The following TRIO variants were observed in gnomAD, a reference collection of about 807,000 sequenced individuals.
TRIO encodes triple functional domain protein.
TRIO carries 58 observed loss-of-function variants against 351.9 expected under a neutral mutation model. The ratio of observed to expected loss-of-function variants is 0.16; its 90% confidence interval spans 0.13 to 0.21. The LOEUF (loss-of-function observed/expected upper bound fraction) is 0.21, where lower values mean the gene tolerates loss of function less well. Among genes scored for constraint, TRIO ranks in the 10% least tolerant of loss-of-function variants. The probability of loss-of-function intolerance (pLI) is 1.00; values close to 1 mark genes in which losing one functional copy is unlikely to be tolerated. For missense variants in TRIO, 3,201 were observed against 4,027.8 expected, an observed-to-expected ratio of 0.79 and a Z score of 5.56; for synonymous variants, 1,758 against 1,595.7, an observed-to-expected ratio of 1.10 and a Z score of -2.42.
chr5:14,393,257 AG>A (rs1444994867), intron 27 of TRIO, among the ~76,000 whole-genome samples: 7 of 152,192 alleles, frequency 4.6e-5, no homozygotes. Flanking sequence ...GTGGGGGTCT[AG>A]GAGAGGGATA....
intron 1 of TRIO, among the ~76,000 whole-genome samples, chr5:14,201,185 G>A (rs964249472): frequency 6.6e-6 from 1 of 151,924 alleles, no homozygotes; most frequent in African/African-American, 2.4e-5. Flanking sequence ...GCTTGAACCC[G>A]GGAGGCAGAG....
intron 21 of TRIO, among the ~76,000 whole-genome samples, chr5:14,382,443 T>G (rs1463477013): frequency 6.6e-6 from 1 of 152,158 alleles, no homozygotes; most frequent in Non-Finnish European, 1.5e-5. Context: ...GCTCCTATCC[T>G]GGAGGCTCAC....
intron 42 of TRIO, 141 bp from the exon 43 acceptor site, chr5:14,479,778 G>A: frequency 1.6e-6 from 1 of 638,474 alleles, no homozygotes; most frequent in Non-Finnish European, 2.5e-6. Flanking sequence ...CTGTGAACTA[G>A]CAAAGCTCTA....
intron 9 of TRIO, 25 bp downstream of exon 9, chr5:14,316,768 G>A: frequency 6.3e-7 from 1 of 1,598,792 alleles, no homozygotes; most frequent in South Asian, 1.1e-5. Flanking sequence ...ATGCCCTTCT[G>A]CATGGGAAAT....
intron 2 of TRIO, among the ~76,000 whole-genome samples, chr5:14,274,618 G>C (rs1324869400): frequency 6.6e-6 from 1 of 152,090 alleles, no homozygotes; most frequent in Non-Finnish European, 1.5e-5. Context: ...TTACTTGATT[G>C]TCCTGAGAAA....
intron 3 of TRIO, among the ~76,000 whole-genome samples, chr5:14,283,763 TAAA>T (rs1736207977): frequency 6.6e-6 from 1 of 151,494 alleles, no homozygotes; most frequent in African/African-American, 2.4e-5. Flanking sequence ...CTTTTTTTTT[TAAA>T]CAAACAAACA....
intron 1 of TRIO, among the ~76,000 whole-genome samples, chr5:14,204,908 C>T (rs1366321169): frequency 6.6e-6 from 1 of 152,166 alleles, no homozygotes; most frequent in Non-Finnish European, 1.5e-5. Flanking sequence ...CAGGGCCTGC[C>T]ACCATGTATA....
At chr5:14,385,294 A>G (rs1189663517) in intron 21 of TRIO, among the ~76,000 whole-genome samples, 1 of 152,206 alleles carries the variant, frequency 6.6e-6, no homozygotes, top group Non-Finnish European at 1.5e-5. Flanking sequence ...CATGCAACTG[A>G]TGGATTTCTT....
intron 1 of TRIO, among the ~76,000 whole-genome samples, chr5:14,151,386 TTG>T (rs34382232): frequency 0.68 from 100,488 of 148,586 alleles, 34,251 homozygotes; most frequent in African/African-American, 0.82. Flanking sequence ...GTGTGTGTGT[TTG>T]TGTGTGTGTG....
intron 34 of TRIO, among the ~76,000 whole-genome samples, chr5:14,453,204 G>C (rs752086651): frequency 1.3e-5 from 2 of 152,000 alleles, no homozygotes; most frequent in Non-Finnish European, 2.9e-5. Context: ...ACTTTCTCTT[G>C]GTGCTTCAAG....
intron 1 of TRIO, among the ~76,000 whole-genome samples, chr5:14,212,597 G>A (rs951554765): frequency 6.6e-6 from 1 of 152,200 alleles, no homozygotes; most frequent in African/African-American, 2.4e-5. Flanking sequence ...AGAAGTGCCT[G>A]AGGAAGGCCT....
intron 34 of TRIO, among the ~76,000 whole-genome samples, chr5:14,431,349 G>A (rs1216028706): frequency 1.1e-4 from 16 of 152,188 alleles, no homozygotes; most frequent in Admixed American, 1.0e-3. Context: ...TCATCTTCCC[G>A]AAACCTTTCT....
intron 1 of TRIO, among the ~76,000 whole-genome samples, chr5:14,198,962 G>T (rs956561898): frequency 1.3e-5 from 2 of 152,036 alleles, no homozygotes; most frequent in South Asian, 2.1e-4. Context: ...CTTGGGCCGG[G>T]TGCGGTGGCT....
chr5:14,419,913 C>G lies in TRIO; in HGVS notation c.5095C>G (p.Arg1699Gly). 1 of 1,614,162 alleles carries G rather than the reference C, an allele frequency of 6.2e-7. No homozygotes were observed. Among genetic ancestry groups the G allele is most frequent in the Non-Finnish European group, 8.5e-7 (1 of 1,180,012 alleles). ...TGACAAGCCTGACTGGTGTCTGGTGCGGACAACTGACCGCTCCCCAGCGGC... is the reference window on the plus strand; with the variant it reads ...TGACAAGCCTGACTGGTGTCTGGTGGGGACAACTGACCGCTCCCCAGCGGC... ...PHDKPDWCLV[R>G]TTDRSPAAEG... The change falls in exon 34 of 57, where the codon CGG becomes GGG. Residue 1699 changes from arginine to glycine, a missense_variant. By Grantham distance (125) the Arg-to-Gly change is moderately radical (BLOSUM62 -2). This residue lies in a region of TRIO where 193 missense variants were observed against 218.8 expected (regional missense o/e 0.88). Coordinates refer to ENST00000344204, the MANE Select transcript of TRIO (RefSeq NM_007118.4).
At chr5:14,499,924 G>A (rs1373853428) in intron 53 of TRIO, among the ~76,000 whole-genome samples, 4 of 151,738 alleles carry the variant, frequency 2.6e-5, no homozygotes, top group African/African-American at 9.7e-5. Flanking sequence ...GGTGGCAAGC[G>A]CCTGTAGTCC....
chr5:14,487,987 C>T lies in TRIO; in HGVS notation c.7359C>T (p.Ala2453=), dbSNP rs757974596. The T allele has an allele frequency of 9.0e-6, 14 of 1,558,854 alleles. No individual in the cohort carries two copies. Among genetic ancestry groups the T allele is most frequent in the East Asian group, 4.8e-5 (2 of 41,358 alleles). ...TLPLGKPRAG[A]ASPLNSPLSS... is the part of the protein sequence containing the mutation. ...CGCTTGGGAAGCCCCGGGCCGGGGC[C>T]GCTTCGCCGCTGAACTCGCCGCTCT... Residue 2453 remains alanine, a synonymous_variant, in exon 48 of 57, where the codon GCC becomes GCT. Transcript: ENST00000344204.
At position 14,363,900 on chromosome 5, in the gene TRIO, C is replaced by A. The variant is rs1435239428; in HGVS notation, c.2560C>A (p.Gln854Lys). The change falls in exon 14 of 57, where the codon CAG becomes AAG. Residue 854 changes from glutamine (Q) to lysine (K), a missense_variant. Physicochemically the swap from Gln to Lys is moderately conservative, Grantham distance 53. This residue lies in a region of TRIO where 363 missense variants were observed against 553.5 expected (regional missense o/e 0.66). Coordinates refer to ENST00000344204, the MANE Select transcript of TRIO (RefSeq NM_007118.4). ...CATCCACCAAGGGCAAGATCTTCTG[C>A]AGTATGTCAATGAGGTCCAGGCCTC... ...DVIHQGQDLL[Q>K]YVNEVQASGV... 6.2e-7 allele frequency: 1 copy of A among 1,614,032 alleles called. No homozygotes were observed. Among genetic ancestry groups the A allele is most frequent in the Non-Finnish European group, 8.5e-7 (1 of 1,180,030 alleles).
chr5:14,236,702 T>A (rs6554847), intron 1 of TRIO, among the ~76,000 whole-genome samples: 5 of 152,160 alleles, frequency 3.3e-5, no homozygotes, highest in African/African-American at 1.2e-4. Flanking sequence ...GTGTAGCAGC[T>A]TTATTGAAGT....
At position 14,508,491 on chromosome 5, in the gene TRIO, A is replaced by T; in HGVS notation, c.*69A>T. The stretch of plus-strand genomic sequence containing the variant: ...GCTGTTAATCTGAATTTTCAAGAGA[A>T]AACAAGCAAACATAACTGATCAGCT... On this transcript the variant is annotated 3_prime_UTR_variant, in exon 57 of 57. Transcript: ENST00000344204. 1 of 1,510,646 alleles carries T rather than the reference A, an allele frequency of 6.6e-7. No homozygotes were observed. Among genetic ancestry groups the T allele is most frequent in the South Asian group, 1.3e-5 (1 of 75,432 alleles). 93.6% of individuals were successfully genotyped at this position (1,510,646 alleles called of 1,614,324 possible).
Sources: allele counts gnomAD v4.1 joint callset (sites outside exome capture counted in the v4.1 genomes callset), GRCh38; gene constraint gnomAD v4.1.1; regional missense constraint gnomAD v4.1.1; transcripts MANE v1.5; gene names NCBI Gene and HGNC (gene_info 2026-07-23, HGNC 2026-07-21).